The following STIL variants were observed in gnomAD, a reference collection of about 807,000 sequenced individuals.
STIL encodes STIL centriolar assembly protein.
Under a neutral mutation model 110.1 loss-of-function variants are expected in STIL, and 55 were observed. The observed-to-expected ratio is 0.50, with a 90% confidence interval of 0.40 to 0.63. STIL has a LOEUF of 0.63. STIL is among the 20% of genes least tolerant of loss of function. STIL has a pLI of 0.00. For synonymous variants in STIL, 481 were observed against 530.0 expected, an observed-to-expected ratio of 0.91 and a Z score of 1.27; for missense variants, 1,358 against 1,530.0, an observed-to-expected ratio of 0.89 and a Z score of 1.87.
At chr1:47,274,633 T>C (rs569713678) in intron 12 of STIL, among the ~76,000 whole-genome samples, 5 of 149,434 alleles carry the variant, frequency 3.3e-5, no homozygotes, top group Non-Finnish European at 7.4e-5. Context: ...TCAGAACTTT[T>C]AGGGATCATT....
intron 10 of STIL, chr1:47,283,820 ATC>A (rs754248045): frequency 1.4e-5 from 2 of 144,996 alleles, no homozygotes; most frequent in Admixed American, 7.5e-5. Flanking sequence ...TGGAATTAAT[ATC>A]TGTTTTGTAC....
intron 2 of STIL, 43 bp from the exon 3 acceptor site, chr1:47,305,039 A>ACTTGT (rs774171695): frequency 7.2e-7 from 1 of 1,395,812 alleles, no homozygotes; most frequent in African/African-American, 1.4e-5. Flanking sequence ...AGGAATAGCA[A>ACTTGT]ACTTGGTAGA....
At chr1:47,256,099 AAAC>A (rs1644319754) in intron 16 of STIL, among the ~76,000 whole-genome samples, 1 of 152,228 alleles carries the variant, frequency 6.6e-6, no homozygotes, top group Admixed American at 6.5e-5. Flanking sequence ...CTTACATTCT[AAAC>A]AACGGCCTTA....
intron 4 of STIL, 61 bp from the exon 5 acceptor site, chr1:47,301,809 A>C (rs1645812756): frequency 6.6e-7 from 1 of 1,505,342 alleles, no homozygotes; most frequent in African/African-American, 1.4e-5. Context: ...AAATCAACCA[A>C]GCAAGACTAC....
chr1:47,260,471 A>G lies in STIL; in HGVS notation c.2898T>C (p.Ile966=). The G allele has an allele frequency of 1.2e-6, 2 of 1,614,160 alleles. No individual in the cohort carries two copies. Among genetic ancestry groups the G allele is most frequent in the African/African-American group, 1.3e-5 (1 of 75,044 alleles). ...ETEQPSTKAV[I]ISHECTRTQN... is the part of the protein sequence containing the mutation. ...GGGTTCTGGTGCATTCATGACTGATAATTACTGCTTTGGTAGACGGCTGCT... is the reference window on the plus strand; with the variant it reads ...GGGTTCTGGTGCATTCATGACTGATGATTACTGCTTTGGTAGACGGCTGCT... Residue 966 remains isoleucine (I), a synonymous_variant, in exon 16 of 17, where the codon ATT becomes ATC. Coordinates refer to ENST00000371877, the MANE Select transcript of STIL (RefSeq NM_001048166.1).
chr1:47,282,705 C>T, intron 10 of STIL: 1 of 426,192 alleles, frequency 2.3e-6, no homozygotes, highest in Non-Finnish European at 4.3e-6. Flanking sequence ...TTGTTAATGT[C>T]ACAATAAATC....
At chr1:47,274,874 G>A (rs1644942685) in intron 12 of STIL, among the ~76,000 whole-genome samples, 3 of 152,072 alleles carry the variant, frequency 2.0e-5, no homozygotes, top group Admixed American at 2.0e-4. Context: ...ATCTCTTGCT[G>A]GGTGCAGTGG....
At chr1:47,313,806 T>A (rs1646210555) in intron 1 of STIL, among the ~76,000 whole-genome samples, 1 of 152,202 alleles carries the variant, frequency 6.6e-6, no homozygotes, top group Non-Finnish European at 1.5e-5. Context: ...TAAAAACAAC[T>A]TTAAATGGCA....
chr1:47,282,627 G>A (rs1391847010), intron 10 of STIL, 168 bp from the exon 11 acceptor site: 1 of 589,238 alleles, frequency 1.7e-6, no homozygotes, highest in Non-Finnish European at 3.0e-6. Context: ...TAGTTGACCA[G>A]GGAAGCTGGA....
At chr1:47,263,734 T>C (rs1188617250) in intron 14 of STIL, among the ~76,000 whole-genome samples, 2 of 143,414 alleles carry the variant, frequency 1.4e-5, no homozygotes, top group Non-Finnish European at 3.1e-5. Flanking sequence ...ATGTTATTTG[T>C]TCATTCCAAG....
At chr1:47,290,498 G>A (rs1267295014) in intron 8 of STIL, among the ~76,000 whole-genome samples, 1 of 152,158 alleles carries the variant, frequency 6.6e-6, no homozygotes, top group South Asian at 2.1e-4. Flanking sequence ...GAGGCCAGGA[G>A]ATCGAGACCA....
In STIL at chr1:47,269,720, A is replaced by G. The variant is rs1644763299; in HGVS notation, c.2530T>C (p.Ser844Pro). The G allele has an allele frequency of 3.1e-6, 5 of 1,614,188 alleles. No individual in the cohort carries two copies. The highest frequency in any genetic ancestry group is 4.2e-6 in the Non-Finnish European group (5 of 1,180,018). Residue 844 changes from serine (S) to proline (P), a missense_variant, in exon 14 of 17, where the codon TCA (serine) becomes CCA (proline). Ser to Pro is a moderately conservative substitution (Grantham distance 74). Coordinates refer to ENST00000371877, the MANE Select transcript of STIL (RefSeq NM_001048166.1). ...CTGGGAATATCAACTGCTTTTAATG[A>G]AGATGCACTACCTGGAAGACTTGTG... ...EVTSLPGSAS[S>P]LKAVDIPSFE...
At chr1:47,294,506 G>A (rs1263518911) in intron 7 of STIL, among the ~76,000 whole-genome samples, 6 of 152,140 alleles carry the variant, frequency 3.9e-5, no homozygotes, top group African/African-American at 7.2e-5. Context: ...GCAACATGGC[G>A]AAAGCCCGCC....
rs2149199593 is a variant in STIL at position 47,301,704 on chromosome 1, G to A, written c.310C>T (p.Arg104Ter). The change falls in exon 5 of 17, where the codon CGA becomes TGA. Residue 104 changes from arginine (R) to a stop codon, truncating the protein, a stop_gained. Coordinates refer to ENST00000371877, the MANE Select transcript of STIL (RefSeq NM_001048166.1). LOFTEE classifies it high-confidence loss of function. ...ATTTCTAGGCATTCAGGTACTTCTC[G>A]ACCAGGATCAAAGCGATCTACTGTC... The part of the protein sequence containing the change: ...TLTVDRFDPG[R>*]EVPECLEITP... The A allele has an allele frequency of 6.2e-7, 1 of 1,613,914 alleles. No individual in the cohort carries two copies. Among genetic ancestry groups the A allele is most frequent in the Non-Finnish European group, 8.5e-7 (1 of 1,179,992 alleles).
chr1:47,289,072 A>AAC (rs1488673018), intron 9 of STIL, among the ~76,000 whole-genome samples: 12 of 149,790 alleles, frequency 8.0e-5, no homozygotes, highest in Admixed American at 2.0e-4. Context: ...AAAAAAAAAA[A>AAC]AAAAAAAAAA....
At chr1:47,261,402 A>G (rs1644481324) in intron 15 of STIL, among the ~76,000 whole-genome samples, 2 of 151,734 alleles carry the variant, frequency 1.3e-5, no homozygotes, top group South Asian at 4.2e-4. Context: ...AAATAAATAA[A>G]TAAAATAGAA....
At chr1:47,269,916 A>G in intron 13 of STIL, 50 bp from the exon 14 acceptor site, 1 of 1,527,340 alleles carries the variant, frequency 6.5e-7, no homozygotes, top group Non-Finnish European at 9.1e-7. Context: ...AACTTTAAAA[A>G]TAATACTCTG....
At chr1:47,255,499 T>C (rs549242414) in intron 16 of STIL, among the ~76,000 whole-genome samples, 2 of 147,188 alleles carry the variant, frequency 1.4e-5, no homozygotes, top group Admixed American at 7.0e-5. Flanking sequence ...AGTTGAGCCA[T>C]GATTGTGCCA....
intron 12 of STIL, among the ~76,000 whole-genome samples, chr1:47,277,115 T>C (rs1331708632): frequency 6.6e-6 from 1 of 151,914 alleles, no homozygotes; most frequent in African/African-American, 2.4e-5. Flanking sequence ...CTATCACAAA[T>C]AGAACAAAAA....
Sources: allele counts gnomAD v4.1 joint callset (sites outside exome capture counted in the v4.1 genomes callset), GRCh38; gene constraint gnomAD v4.1.1; transcripts MANE v1.5; gene names NCBI Gene and HGNC (gene_info 2026-07-23, HGNC 2026-07-21).